LITAF: variants seen among roughly 807,000 people sequenced by gnomAD.
The protein encoded by LITAF is lipopolysaccharide-induced tumor necrosis factor-alpha factor.
LITAF carries 9 observed loss-of-function variants against 14.5 expected under a neutral mutation model. The ratio of observed to expected loss-of-function variants is 0.62; its 90% confidence interval spans 0.37 to 1.08. LITAF has a LOEUF of 1.08. LITAF is among the 50% of genes least tolerant of loss of function. LITAF has a pLI of 0.01. For missense variants in LITAF, 206 were observed against 213.4 expected (o/e 0.97, Z 0.22); for synonymous variants, 98 against 88.2 (o/e 1.11, Z -0.62).
chr16:11,604,980 C>T (rs999680448), intron 3 of LITAF, among the ~76,000 whole-genome samples: 7 of 152,256 alleles, frequency 4.6e-5, no homozygotes, highest in East Asian at 1.9e-4. Context: ...ATCTGTTCTC[C>T]TGTGTCGGGA....
chr16:11,592,953 G>A (rs531861878), intron 1 of LITAF, among the ~76,000 whole-genome samples: 5 of 152,114 alleles, frequency 3.3e-5, no homozygotes, highest in African/African-American at 4.8e-5. Context: ...GGTTGATCAC[G>A]AGGTCAGGAG....
rs114507464 is a variant in LITAF, at chr16:11,597,404, G to A, written c.-6+984C>T. ...GAGCATGAGTCATAGAATTATAGTC[G>A]CCTAACAAACAGTCACAGTCACATA... is the stretch of plus-strand genomic sequence containing the variant. On this transcript the variant is annotated intron_variant, in intron 1 of 3. Transcript: ENST00000571627. 3.1e-3 allele frequency among the ~76,000 whole-genome samples: 472 copies of A among 152,112 alleles called. 2 individuals carry two copies. Among genetic ancestry groups the A allele is most frequent in the African/African-American group, 0.011 (453 of 41,474 alleles).
At chr16:11,565,500 A>C (rs2064437724) in intron 1 of LITAF, among the ~76,000 whole-genome samples, 2 of 151,860 alleles carry the variant, frequency 1.3e-5, no homozygotes, top group South Asian at 4.2e-4. Flanking sequence ...CTCTAATCTT[A>C]CTATCCCAAG....
intron 2 of LITAF, chr16:11,556,208 G>C: frequency 3.9e-6 from 2 of 518,078 alleles, no homozygotes; most frequent in South Asian, 6.9e-5. Context: ...AAGTGTGCGG[G>C]CCCTTAAGAC....
chr16:11,637,731 A>C (rs549691422), upstream of LITAF, among the ~76,000 whole-genome samples: 3 of 151,270 alleles, frequency 2.0e-5, no homozygotes, highest in Non-Finnish European at 2.9e-5. Flanking sequence ...AAAATTTAAA[A>C]ATTAGCCAGG....
intron 1 of LITAF, chr16:11,575,678 C>T (rs1351570208): frequency 1.3e-5 from 2 of 152,208 alleles, no homozygotes; most frequent in Admixed American, 6.6e-5. Context: ...CCCAACAACT[C>T]GCGGTCAGCG....
rs1470988163 is a variant in LITAF at position 11,547,841 on chromosome 16, A to G, written c.*1796T>C. The G allele has an allele frequency of 2.2e-6, 1 of 454,104 alleles. No individual in the cohort carries two copies. The highest frequency in any genetic ancestry group is 6.9e-5 in the East Asian group (1 of 14,400). The allele number at this position is 454,104 out of a possible 1,614,324, so 28.1% of individuals were successfully genotyped here. A position where few individuals can be genotyped will look rare whatever the true frequency, so the allele number is the denominator to read the frequency against. On this transcript the variant is annotated 3_prime_UTR_variant, in exon 4 of 4. Transcript: ENST00000622633. ...CTCGTTAGCAAATCCACCCAACTCA[A>G]CATCGGTCATCTTGACATTGCAGGA...
intron 1 of LITAF, among the ~76,000 whole-genome samples, chr16:11,597,151 G>C (rs2064894527): frequency 6.6e-6 from 1 of 152,118 alleles, no homozygotes; most frequent in South Asian, 2.1e-4. Flanking sequence ...GGGGTAACAA[G>C]ATAGCGGTCC....
rs1166072254 is a variant in LITAF, at chr16:11,605,374, T to C, written c.85+28159A>G. 6.6e-6 allele frequency among the ~76,000 whole-genome samples: 1 copy of C among 152,038 alleles called. No individual in the cohort carries two copies. The highest frequency in any genetic ancestry group is 2.4e-5 in the African/African-American group (1 of 41,380). On this transcript the variant is annotated intron_variant, in intron 3 of 3. Transcript: ENST00000574848. This position sits in a 1 kb window ranked among gnomAD's most constrained non-coding sequence, Gnocchi z 4.7. ...GGCCCAGGATTCCTCCCAGGCGGGA[T>C]CCTGTGCACCTCCCGGAGGACTGGG...
chr16:11,595,610 T>A (rs1275175258), intron 1 of LITAF, among the ~76,000 whole-genome samples: 5 of 152,148 alleles, frequency 3.3e-5, no homozygotes, highest in Admixed American at 3.3e-4. Flanking sequence ...ACTCCTGTAG[T>A]CCCAGCTACT....
intron 3 of LITAF, among the ~76,000 whole-genome samples, chr16:11,622,678 A>G (rs895096251): frequency 2.0e-5 from 3 of 152,146 alleles, no homozygotes; most frequent in Non-Finnish European, 4.4e-5. Flanking sequence ...TTAAGAATAC[A>G]AGGTGTCGTG....
chr16:11,565,941 CT>C lies in LITAF; in HGVS notation c.-5-9207del, dbSNP rs572605043. On this transcript the variant is annotated intron_variant, in intron 1 of 3. Coordinates refer to ENST00000622633, the MANE Select transcript of LITAF (RefSeq NM_001136472.2). ...GGCACAGACTCTGGAGCTAGACCCC[CT>C]GGGTTCCTCCAGGCGCCCCATGCCC... is the stretch of plus-strand genomic sequence containing the variant. 1.2e-4 allele frequency among the ~76,000 whole-genome samples: 18 copies of C among 152,034 alleles called. No individual in the cohort carries two copies. In the East Asian group the frequency reaches 2.3e-3, roughly 20 times the overall value.
At chr16:11,575,681 G>C (rs528993664) in intron 1 of LITAF, 1 of 152,058 alleles carries the variant, frequency 6.6e-6, no homozygotes, top group South Asian at 2.1e-4. Context: ...AACAACTCGC[G>C]GTCAGCGTAA....
chr16:11,561,407 G>C (rs2141741487), intron 1 of LITAF: 1 of 152,326 alleles, frequency 6.6e-6, no homozygotes, highest in East Asian at 1.9e-4. Flanking sequence ...TTAAAAGATG[G>C]GTGGGCCCCA....
chr16:11,576,461 A>G (rs538985389), intron 1 of LITAF, among the ~76,000 whole-genome samples: 1 of 150,544 alleles, frequency 6.6e-6, no homozygotes, highest in East Asian at 1.9e-4. Flanking sequence ...AGAGCAAGAC[A>G]CTGTCTCAAA....
In LITAF at chr16:11,586,641, C is replaced by T. The variant is rs923127466; in HGVS notation, c.-6+245G>A. 2.6e-5 allele frequency among the ~76,000 whole-genome samples: 4 copies of T among 151,930 alleles called. No individual in the cohort carries two copies. The highest frequency in any genetic ancestry group is 9.6e-5 in the African/African-American group (4 of 41,534). The stretch of plus-strand genomic sequence containing the variant: ...CACGCGCGATCGGGCCACTCTGGGA[C>T]GCAGGAGCTGAACCCAACCGGAGAC... On this transcript the variant is annotated intron_variant, in intron 1 of 3. Coordinates refer to ENST00000622633, the MANE Select transcript of LITAF (RefSeq NM_001136472.2). The surrounding 1 kb of genome is among the most constrained non-coding windows in gnomAD (Gnocchi z 6.5).
chr16:11,559,334 T>G (rs2141730402), intron 1 of LITAF, among the ~76,000 whole-genome samples: 1 of 152,336 alleles, frequency 6.6e-6, no homozygotes, highest in East Asian at 1.9e-4. Context: ...ATCTTTTTAC[T>G]TGCCAATGAA....
intron 1 of LITAF, among the ~76,000 whole-genome samples, chr16:11,574,145 G>T (rs751722957): frequency 6.6e-6 from 1 of 151,996 alleles, no homozygotes; most frequent in East Asian, 1.9e-4. Context: ...AGGCTCAAGC[G>T]ATCCTCCTGC....
At chr16:11,636,451 A>C (rs554790466), upstream of LITAF, 2 of 152,382 alleles carry the variant, frequency 1.3e-5, no homozygotes, top group East Asian at 3.9e-4. Context: ...TAGGGCATGA[A>C]GATTGGTCAG....
Sources: allele counts gnomAD v4.1 joint callset (sites outside exome capture counted in the v4.1 genomes callset), GRCh38; gene constraint gnomAD v4.1.1; non-coding constraint Gnocchi (gnomAD v3.1); transcripts MANE v1.5; gene names NCBI Gene and HGNC (gene_info 2026-07-23, HGNC 2026-07-21).